The following SGCD variants were observed in gnomAD, a reference collection of about 807,000 sequenced individuals.
The protein encoded by SGCD is sarcoglycan delta, also known as delta-sarcoglycan.
A neutral mutation model predicts 36.6 loss-of-function variants in SGCD; 18 were observed. The ratio of observed to expected loss-of-function variants is 0.49; its 90% CI spans 0.34 to 0.73. SGCD has a LOEUF of 0.73. SGCD is among the 30% of genes least tolerant of loss of function. The pLI is 0.01. For missense variants in SGCD, 387 were observed against 346.7 expected, an observed-to-expected ratio of 1.12 and a Z score of -0.92; for synonymous variants, 133 against 130.6, an observed-to-expected ratio of 1.02 and a Z score of -0.12.
At chr5:156,429,814 A>G (rs1208136673) in intron 3 of SGCD, among the ~76,000 whole-genome samples, 4 of 152,120 alleles carry the variant, frequency 2.6e-5, no homozygotes, top group South Asian at 2.1e-4. Context: ...TTGGCTTACA[A>G]TTGTTTTGTT....
chr5:156,106,059 G>GTGA (rs746825771), intron 1 of SGCD, among the ~76,000 whole-genome samples: 4 of 140,294 alleles, frequency 2.9e-5, no homozygotes, highest in Non-Finnish European at 6.1e-5. Flanking sequence ...GCAGTGAGTG[G>GTGA]AGATCATGCC....
chr5:155,980,381 G>GGAGAC (rs1157441143), intron 1 of SGCD, among the ~76,000 whole-genome samples: 1 of 151,422 alleles, frequency 6.6e-6, no homozygotes, highest in Non-Finnish European at 1.5e-5. Context: ...GTCAGGAGAT[G>GGAGAC]GAGACCATCC....
rs182504393 is a variant in SGCD, at chr5:156,598,457, G to A, written c.502+3406G>A. 3.1e-3 allele frequency among the ~76,000 whole-genome samples: 475 copies of A among 152,294 alleles called. 4 individuals carry two copies. Among genetic ancestry groups the A allele is most frequent in the African/African-American group, 9.8e-3 (409 of 41,568 alleles). ...CTGGGGAGGCTGAGGCAGGAGAATT[G>A]CTTGAACCCAGGTGGTGGAGGTTGC... is the stretch of plus-strand genomic sequence containing the variant. On this transcript the variant is annotated intron_variant, in intron 6 of 8. Coordinates refer to ENST00000337851, the MANE Select transcript of SGCD (RefSeq NM_000337.6).
At chr5:156,140,816 T>A (rs1357794688) in intron 3 of SGCD, among the ~76,000 whole-genome samples, 2 of 152,110 alleles carry the variant, frequency 1.3e-5, no homozygotes, top group Non-Finnish European at 2.9e-5. Context: ...GATAAGAAGA[T>A]TAGTATGGAT....
chr5:156,011,854 A>C (rs968603400), intron 1 of SGCD, among the ~76,000 whole-genome samples: 12 of 152,314 alleles, frequency 7.9e-5, no homozygotes, highest in African/African-American at 2.9e-4. Context: ...ACTAGGATAA[A>C]AGTCAAGCAC....
the SGCD span, among the ~76,000 whole-genome samples, chr5:155,755,697 TTGTAACCC>T: frequency 5.3e-5 from 8 of 152,358 alleles, 1 homozygote; most frequent in South Asian, 1.7e-3. Flanking sequence ...TTCTGTGTTC[TTGTAACCC>T]TGACAATATT....
chr5:156,239,812 G>A (rs983441444), intron 3 of SGCD, among the ~76,000 whole-genome samples: 2 of 152,090 alleles, frequency 1.3e-5, no homozygotes, highest in African/African-American at 4.8e-5. Context: ...GTTTTATGAG[G>A]CTCACCCAAG....
intron 7 of SGCD, among the ~76,000 whole-genome samples, chr5:156,649,623 A>G (rs1259254833): frequency 6.6e-6 from 1 of 151,014 alleles, no homozygotes; most frequent in Non-Finnish European, 1.5e-5. Context: ...AAAAAACCAA[A>G]CACCGCATGT....
intron 1 of SGCD, among the ~76,000 whole-genome samples, chr5:155,885,915 G>T (rs947120690): frequency 6.6e-6 from 1 of 152,184 alleles, no homozygotes; most frequent in African/African-American, 2.4e-5. Flanking sequence ...CTTTAATGCA[G>T]TCCTAACTTT....
the SGCD span, among the ~76,000 whole-genome samples, chr5:155,773,014 C>T: frequency 0.014 from 2,177 of 152,188 alleles, 60 homozygotes; most frequent in African/African-American, 0.048. Flanking sequence ...GCACTCTCTA[C>T]GTTAGTAAGT....
chr5:156,629,514 G>A (rs1246773845), intron 6 of SGCD, among the ~76,000 whole-genome samples: 2 of 152,194 alleles, frequency 1.3e-5, no homozygotes, highest in Non-Finnish European at 2.9e-5. Context: ...CAAGTTGATT[G>A]GCCCATGCAG....
intron 1 of SGCD, among the ~76,000 whole-genome samples, chr5:155,878,707 T>G (rs1011382109): frequency 1.3e-5 from 2 of 152,234 alleles, no homozygotes. Flanking sequence ...TGCCAGCCAA[T>G]GGTGTCTGTC....
upstream of SGCD, among the ~76,000 whole-genome samples, chr5:155,866,291 C>T (rs1041588115): frequency 6.6e-6 from 1 of 152,076 alleles, no homozygotes; most frequent in Non-Finnish European, 1.5e-5. Flanking sequence ...TACAATGATC[C>T]CTAGTATAGT....
chr5:155,924,604 G>A (rs1194177914), intron 1 of SGCD, among the ~76,000 whole-genome samples: 1 of 152,168 alleles, frequency 6.6e-6, no homozygotes, highest in Non-Finnish European at 1.5e-5. Context: ...TGTTAAGTTT[G>A]GAGTTAAATG....
chr5:155,756,921 C>G, the SGCD span, among the ~76,000 whole-genome samples: 4 of 152,166 alleles, frequency 2.6e-5, no homozygotes, highest in African/African-American at 9.7e-5. Context: ...CCTAGGAGCA[C>G]CTTAGACTTT....
intron 1 of SGCD, among the ~76,000 whole-genome samples, chr5:156,072,058 C>T (rs937328036): frequency 2.0e-5 from 3 of 152,164 alleles, no homozygotes; most frequent in East Asian, 1.9e-4. Flanking sequence ...CAATACAGCA[C>T]ACTGATGGGT....
At chr5:155,990,573 A>G (rs1266542996) in intron 1 of SGCD, among the ~76,000 whole-genome samples, 2 of 152,182 alleles carry the variant, frequency 1.3e-5, no homozygotes, top group African/African-American at 4.8e-5. Flanking sequence ...TTACTAATTT[A>G]CTTGTTGGCT....
At chr5:155,734,971 C>T in the SGCD span, among the ~76,000 whole-genome samples, 1 of 152,158 alleles carries the variant, frequency 6.6e-6, no homozygotes, top group Admixed American at 6.5e-5. Context: ...GCCATTCAGT[C>T]TATATATAAG....
chr5:156,616,191 G>A (rs548447021), intron 6 of SGCD, among the ~76,000 whole-genome samples: 1 of 152,278 alleles, frequency 6.6e-6, no homozygotes, highest in East Asian at 1.9e-4. Flanking sequence ...AGAAAAAGTG[G>A]TTATCATCCT....
Sources: gnomAD v4.1 joint callset for allele counts (sites outside exome capture counted in the v4.1 genomes callset) on GRCh38, gnomAD v4.1.1 for gene constraint, MANE v1.5 for transcripts, NCBI Gene and HGNC (gene_info 2026-07-23, HGNC 2026-07-21) for gene names.